ADGRL4: variants seen among roughly 807,000 people sequenced by gnomAD.
ADGRL4 encodes the protein EGF, latrophilin and seven transmembrane domain containing 1.
In ADGRL4, 90 loss-of-function variants were observed where a neutral mutation model predicts 74.8. The observed-to-expected ratio is 1.20, with a 90% CI of 1.02 to 1.43. ADGRL4 has a LOEUF of 1.43. Ranked by LOEUF, ADGRL4 falls within the 40% of genes most tolerant of loss-of-function variation. The pLI, the probability that ADGRL4 is intolerant of heterozygous loss-of-function variation, is 0.00. For missense variants in ADGRL4, 881 were observed against 814.3 expected (o/e 1.08, Z -1.00); for synonymous variants, 311 against 279.2 (o/e 1.11, Z -1.14).
At chr1:78,980,666 C>A (rs1650379583) in intron 2 of ADGRL4, among the ~76,000 whole-genome samples, 1 of 151,888 alleles carries the variant, frequency 6.6e-6, no homozygotes, top group Admixed American at 6.6e-5. Flanking sequence ...AATTTATGAG[C>A]AGTTCTGAAG....
chr1:78,904,683 C>T (rs547287538), intron 12 of ADGRL4, among the ~76,000 whole-genome samples: 3 of 151,994 alleles, frequency 2.0e-5, no homozygotes, highest in East Asian at 1.9e-4. Context: ...CTAAATGGAC[C>T]TTAGAGCCAC....
At chr1:78,898,878 C>T (rs571822510) in intron 12 of ADGRL4, among the ~76,000 whole-genome samples, 13 of 151,984 alleles carry the variant, frequency 8.6e-5, no homozygotes, top group African/African-American at 2.9e-4. Flanking sequence ...TTTTAAGTGT[C>T]TTTAAAAAAA....
chr1:78,931,897 A>G (rs1006250870), intron 7 of ADGRL4, among the ~76,000 whole-genome samples: 1 of 151,514 alleles, frequency 6.6e-6, no homozygotes, highest in Non-Finnish European at 1.5e-5. Context: ...CTAAATATAT[A>G]TGCACCCGAT....
At chr1:78,908,817 C>A (rs770263089) in intron 12 of ADGRL4, among the ~76,000 whole-genome samples, 4 of 151,780 alleles carry the variant, frequency 2.6e-5, no homozygotes, top group Non-Finnish European at 4.4e-5. Flanking sequence ...TTTTGGATTT[C>A]TAATTTCTAT....
At chr1:78,992,588 T>C (rs1370460121) in intron 2 of ADGRL4, among the ~76,000 whole-genome samples, 1 of 152,080 alleles carries the variant, frequency 6.6e-6, no homozygotes, top group Non-Finnish European at 1.5e-5. Context: ...CTCATTCTTA[T>C]CCTACTCACA....
chr1:78,892,302 C>T (rs1405244259), intron 13 of ADGRL4, among the ~76,000 whole-genome samples: 1 of 152,092 alleles, frequency 6.6e-6, no homozygotes, highest in Non-Finnish European at 1.5e-5. Flanking sequence ...AAAAAATACA[C>T]ACACATACGC....
intron 3 of ADGRL4, among the ~76,000 whole-genome samples, chr1:78,942,349 T>C (rs181084701): frequency 4.6e-5 from 7 of 152,272 alleles, no homozygotes; most frequent in African/African-American, 1.4e-4. Flanking sequence ...ATTTTCCTAA[T>C]AGCAGGAGCC....
chr1:78,946,497 T>G, intron 2 of ADGRL4, 71 bp from the exon 3 acceptor site: 1 of 1,306,610 alleles, frequency 7.7e-7, no homozygotes, highest in Non-Finnish European at 1.1e-6. Flanking sequence ...TCCATCAGTA[T>G]TTTGGAATAT....
intron 2 of ADGRL4, among the ~76,000 whole-genome samples, chr1:78,971,912 T>C (rs759928807): frequency 6.6e-5 from 10 of 152,076 alleles, no homozygotes; most frequent in African/African-American, 7.2e-5. Flanking sequence ...TGTGCCACCA[T>C]GCCCAGCTAA....
intron 2 of ADGRL4, among the ~76,000 whole-genome samples, chr1:79,004,174 C>A (rs1229379549): frequency 6.6e-6 from 1 of 151,986 alleles, no homozygotes; most frequent in Non-Finnish European, 1.5e-5. Flanking sequence ...TTCATGTTAT[C>A]CTGAATACAT....
intron 2 of ADGRL4, among the ~76,000 whole-genome samples, chr1:78,951,173 T>C (rs1570249733): frequency 6.6e-6 from 1 of 152,254 alleles, no homozygotes; most frequent in Non-Finnish European, 1.5e-5. Flanking sequence ...AGGTTCCATC[T>C]CAGCTTACAG....
rs1404108525 is a variant in ADGRL4, at chr1:78,889,791, G to A, written c.*1363C>T. 1.1e-5 allele frequency: 5 copies of A among 455,520 alleles called. No individual in the cohort carries two copies. The highest frequency in any genetic ancestry group is 7.5e-5 in the Admixed American group (3 of 40,180). 28.2% of individuals were successfully genotyped at this position (455,520 alleles called of 1,614,324 possible). A position where few individuals can be genotyped will look rare whatever the true frequency, so the allele number is the denominator to read the frequency against. On this transcript the variant is annotated 3_prime_UTR_variant, in exon 15 of 15. Coordinates refer to ENST00000370742, the MANE Select transcript of ADGRL4 (RefSeq NM_022159.4). ...CATTTAGATAACATTTTATTTGTTA[G>A]AGCAAGATTTGGCAGACTTCATTTC...
At chr1:78,954,709 T>G (rs1413945465) in intron 2 of ADGRL4, among the ~76,000 whole-genome samples, 1 of 152,144 alleles carries the variant, frequency 6.6e-6, no homozygotes, top group Admixed American at 6.6e-5. Context: ...AGAAGCACAT[T>G]ATATCACTAA....
At chr1:78,978,672 T>C (rs1263820621) in intron 2 of ADGRL4, among the ~76,000 whole-genome samples, 1 of 151,958 alleles carries the variant, frequency 6.6e-6, no homozygotes, top group East Asian at 1.9e-4. Flanking sequence ...TTCCCATTGT[T>C]GAAATCTGTA....
intron 2 of ADGRL4, among the ~76,000 whole-genome samples, chr1:78,948,941 G>T (rs1288690618): frequency 2.0e-5 from 3 of 151,990 alleles, no homozygotes; most frequent in Non-Finnish European, 2.9e-5. Context: ...CATTCTAAAG[G>T]CAAGTTAACA....
intron 12 of ADGRL4, among the ~76,000 whole-genome samples, chr1:78,907,567 A>T (rs1284290643): frequency 6.6e-6 from 1 of 152,112 alleles, no homozygotes. Flanking sequence ...CAAAAGAAAA[A>T]AATGGGCTTC....
chr1:78,899,471 A>G (rs530462022), intron 12 of ADGRL4, among the ~76,000 whole-genome samples: 1 of 152,240 alleles, frequency 6.6e-6, no homozygotes, highest in African/African-American at 2.4e-5. Flanking sequence ...CTCCCACCTC[A>G]GCCTCCTGAG....
intron 2 of ADGRL4, among the ~76,000 whole-genome samples, chr1:78,953,089 A>G (rs745566059): frequency 5.3e-5 from 8 of 152,224 alleles, no homozygotes; most frequent in Non-Finnish European, 8.8e-5. Flanking sequence ...ATGAAGTATA[A>G]GTAGAGAAGG....
intron 2 of ADGRL4, among the ~76,000 whole-genome samples, chr1:78,978,623 A>AT (rs1289520330): frequency 1.1e-5 from 1 of 92,780 alleles, no homozygotes; most frequent in Non-Finnish European, 2.4e-5. Flanking sequence ...ACTATATTTT[A>AT]CCATACGCAC....
Sources: allele counts gnomAD v4.1 joint callset (sites outside exome capture counted in the v4.1 genomes callset), GRCh38; gene constraint gnomAD v4.1.1; transcripts MANE v1.5; gene names NCBI Gene and HGNC (gene_info 2026-07-23, HGNC 2026-07-21).